PARD3B: variants seen among roughly 807,000 people sequenced by gnomAD.
PARD3B encodes par-3 family cell polarity regulator beta.
Under a neutral mutation model 130.2 loss-of-function variants are expected in PARD3B, and 103 were observed. The observed-to-expected ratio is 0.79, with a 90% CI of 0.67 to 0.93. The LOEUF (loss-of-function observed/expected upper bound fraction) is 0.93. Ranked by LOEUF, PARD3B falls within the 40% of genes least tolerant of loss-of-function variation. The pLI, the probability that PARD3B is intolerant of heterozygous loss-of-function variation, is 0.00. For missense variants in PARD3B, 1,609 were observed against 1,499.2 expected, an observed-to-expected ratio of 1.07 and a Z score of -1.21; for synonymous variants, 583 against 553.2, an observed-to-expected ratio of 1.05 and a Z score of -0.76.
chr2:205,440,162 C>T lies in PARD3B; in HGVS notation c.2742-208C>T, dbSNP rs2047661667. Among the ~76,000 whole-genome samples the T allele has an allele frequency of 6.6e-6, 1 of 152,152 alleles. No individual in the cohort carries two copies. Among genetic ancestry groups the T allele is most frequent in the Admixed American group, 6.5e-5 (1 of 15,268 alleles). On this transcript the variant is annotated intron_variant, in intron 19 of 22. Coordinates refer to ENST00000406610, the MANE Select transcript of PARD3B (RefSeq NM_001302769.2). This position sits in a 1 kb window ranked among gnomAD's most constrained non-coding sequence, Gnocchi z 4.2. Reference sequence around the variant, plus strand: ...ATCAAAATACCCATAGCATTGCTATCAAAGTAAAGACCCTGTAACAAATAA... The same window carrying T: ...ATCAAAATACCCATAGCATTGCTATTAAAGTAAAGACCCTGTAACAAATAA...
intron 2 of PARD3B, among the ~76,000 whole-genome samples, chr2:204,827,854 C>A (rs1347135925): frequency 6.6e-6 from 1 of 152,162 alleles, no homozygotes; most frequent in Non-Finnish European, 1.5e-5. Context: ...TGAATAGATG[C>A]ATAAATATCT....
At chr2:204,990,793 C>T (rs1693602879) in intron 3 of PARD3B, among the ~76,000 whole-genome samples, 1 of 152,120 alleles carries the variant, frequency 6.6e-6, no homozygotes, top group Non-Finnish European at 1.5e-5. Flanking sequence ...TCTTTCCCTA[C>T]CTAAAGCCAT....
At chr2:205,434,423 C>T (rs1205485570) in intron 19 of PARD3B, among the ~76,000 whole-genome samples, 3 of 152,028 alleles carry the variant, frequency 2.0e-5, no homozygotes, top group Admixed American at 1.3e-4. Flanking sequence ...GAAGAACACT[C>T]GTGACGCATT....
intron 3 of PARD3B, among the ~76,000 whole-genome samples, chr2:204,987,038 T>C (rs1356050473): frequency 6.6e-6 from 1 of 152,196 alleles, no homozygotes; most frequent in Non-Finnish European, 1.5e-5. Context: ...CTCTCTCGTG[T>C]GGCTGTATAG....
At position 205,146,432 on chromosome 2, in the gene PARD3B, G is replaced by A. The variant is rs2033364563; in HGVS notation, c.1435-12290G>A. Among the ~76,000 whole-genome samples the A allele has an allele frequency of 6.6e-6, 1 of 151,910 alleles. No individual in the cohort carries two copies. The highest frequency in any genetic ancestry group is 1.5e-5 in the Non-Finnish European group (1 of 67,996). ...TGGGAGGCCGAGGTGGGCGGATCAT[G>A]AGGTCAGGAGATCGAGACCATCCTG... is the stretch of plus-strand genomic sequence containing the variant. On this transcript the variant is annotated intron_variant, in intron 10 of 22. Coordinates refer to ENST00000406610, the MANE Select transcript of PARD3B (RefSeq NM_001302769.2). This position sits in a 1 kb window ranked among gnomAD's most constrained non-coding sequence, Gnocchi z 4.3.
chr2:205,453,747 A>G (rs2048181245), intron 20 of PARD3B, among the ~76,000 whole-genome samples: 2 of 152,210 alleles, frequency 1.3e-5, no homozygotes, highest in South Asian at 4.1e-4. Flanking sequence ...TTAATAGAAT[A>G]TAAAGGAAAA....
chr2:204,999,029 A>G (rs532592079), intron 3 of PARD3B, among the ~76,000 whole-genome samples: 2 of 151,970 alleles, frequency 1.3e-5, no homozygotes, highest in East Asian at 1.9e-4. Context: ...TGGCACTTCT[A>G]GAGTAATCTC....
intron 2 of PARD3B, among the ~76,000 whole-genome samples, chr2:204,819,762 C>T (rs1195267295): frequency 2.0e-5 from 3 of 152,156 alleles, no homozygotes; most frequent in Non-Finnish European, 4.4e-5. Flanking sequence ...AAAACAGCCT[C>T]ATTGGTGATA....
intron 21 of PARD3B, among the ~76,000 whole-genome samples, chr2:205,517,025 T>C (rs917320437): frequency 2.0e-5 from 3 of 152,190 alleles, no homozygotes; most frequent in Non-Finnish European, 4.4e-5. Flanking sequence ...GAGATAATCA[T>C]GTGGTTTTTG....
chr2:204,988,548 T>C (rs1386608946), intron 3 of PARD3B, among the ~76,000 whole-genome samples: 1 of 152,224 alleles, frequency 6.6e-6, no homozygotes, highest in Non-Finnish European at 1.5e-5. Context: ...CCATTCTCCA[T>C]GATGTGCTTA....
At chr2:204,573,175 G>T (rs757124519) in intron 1 of PARD3B, among the ~76,000 whole-genome samples, 7 of 152,136 alleles carry the variant, frequency 4.6e-5, no homozygotes, top group Non-Finnish European at 1.0e-4. Flanking sequence ...AATGTAAGAG[G>T]CACTCTGAAA....
At chr2:205,523,855 G>T (rs868592618) in intron 21 of PARD3B, among the ~76,000 whole-genome samples, 1 of 135,816 alleles carries the variant, frequency 7.4e-6, no homozygotes. Context: ...AGTTCAGGAA[G>T]AATAGGCAGT....
At chr2:205,576,486 C>G (rs2053764205) in intron 22 of PARD3B, among the ~76,000 whole-genome samples, 1 of 152,124 alleles carries the variant, frequency 6.6e-6, no homozygotes, top group South Asian at 2.1e-4. Flanking sequence ...GGCATAAGGT[C>G]TGTGTCTAGA....
At chr2:205,102,687 C>T (rs1428265836) in intron 4 of PARD3B, among the ~76,000 whole-genome samples, 2 of 152,258 alleles carry the variant, frequency 1.3e-5, no homozygotes, top group East Asian at 1.9e-4. Context: ...AATGTTGCTA[C>T]TCAATCTAAA....
chr2:205,342,359 G>C (rs2043575305), intron 18 of PARD3B, among the ~76,000 whole-genome samples: 1 of 152,122 alleles, frequency 6.6e-6, no homozygotes, highest in African/African-American at 2.4e-5. Flanking sequence ...ATGTCTACTA[G>C]AGCAACACAT....
chr2:204,818,400 T>TGTAATTATATTAA (rs1336431406), intron 2 of PARD3B, among the ~76,000 whole-genome samples: 2 of 152,196 alleles, frequency 1.3e-5, no homozygotes, highest in African/African-American at 2.4e-5. Context: ...TGTAAACTAT[T>TGTAATTATATTAA]TGCTTCTTTC....
rs560508978 is a variant in PARD3B, at chr2:205,403,441, T to C, written c.2741+2318T>C. 3.9e-5 allele frequency among the ~76,000 whole-genome samples: 6 copies of C among 152,278 alleles called. No individual in the cohort carries two copies. The South Asian group carries it at 1.2e-3, about 32-fold the overall frequency. On this transcript the variant is annotated intron_variant, in intron 19 of 22. Transcript: ENST00000406610. ...AGCACAGTTTCTCTGAAGACCTAGT[T>C]TACCAGCACACTGCTACAGGTCTGT...
In PARD3B at chr2:205,128,866, A is replaced by G. The variant is rs1375557151; in HGVS notation, c.1434+3129A>G. ...TCCAAAATACTGAGTTAAAAACAAC[A>G]TTTTTATAACCAGTCAAATTGATAA... is the stretch of plus-strand genomic sequence containing the variant. On this transcript the variant is annotated intron_variant, in intron 10 of 22. Transcript: ENST00000406610. The surrounding 1 kb of genome is among the most constrained non-coding windows in gnomAD (Gnocchi z 4.5). 6.6e-6 allele frequency among the ~76,000 whole-genome samples: 1 copy of G among 152,152 alleles called. No individual in the cohort carries two copies. The highest frequency in any genetic ancestry group is 2.4e-5 in the African/African-American group (1 of 41,436).
intron 1 of PARD3B, among the ~76,000 whole-genome samples, chr2:204,561,454 C>A (rs2031302610): frequency 6.6e-6 from 1 of 152,240 alleles, no homozygotes; most frequent in Admixed American, 6.5e-5. Context: ...CCTCTGGCTT[C>A]TAGTTAGGGT....
Sources: gnomAD v4.1 joint callset for allele counts (sites outside exome capture counted in the v4.1 genomes callset) on GRCh38, gnomAD v4.1.1 for gene constraint, Gnocchi (gnomAD v3.1) non-coding constraint, MANE v1.5 for transcripts, NCBI Gene and HGNC (gene_info 2026-07-23, HGNC 2026-07-21) for gene names.